Variants in CADM2 observed in about 807,000 individuals in gnomAD.
CADM2 encodes the protein immunoglobulin superfamily member 4D.
Under a neutral mutation model 49.8 loss-of-function variants are expected in CADM2, and 12 were observed. That is an observed-to-expected ratio of 0.24 (90% confidence interval 0.15 to 0.39). The LOEUF (loss-of-function observed/expected upper bound fraction) is 0.39, where lower values mean the gene tolerates loss of function less well. Among genes scored for constraint, CADM2 ranks in the 10% least tolerant of loss-of-function variants. The probability of loss-of-function intolerance (pLI) is 1.00; values close to 1 mark genes in which losing one functional copy is unlikely to be tolerated. For synonymous variants in CADM2, 214 were observed against 175.4 expected (o/e 1.22, Z -1.74); for missense variants, 378 against 492.3 (o/e 0.77, Z 2.20).
At chr3:85,675,427 A>T (rs962631176) in intron 1 of CADM2, among the ~76,000 whole-genome samples, 5 of 152,178 alleles carry the variant, frequency 3.3e-5, no homozygotes, top group African/African-American at 1.2e-4. Flanking sequence ...TCAATTTTTA[A>T]GGAGAAACTT....
At chr3:85,575,184 G>T (rs564878741) in intron 1 of CADM2, among the ~76,000 whole-genome samples, 10 of 152,236 alleles carry the variant, frequency 6.6e-5, no homozygotes, top group African/African-American at 2.4e-4. Context: ...GTATCCGTAA[G>T]TTCCTTTTTT....
intron 1 of CADM2, among the ~76,000 whole-genome samples, chr3:85,639,680 A>T (rs560559187): frequency 6.6e-6 from 1 of 152,298 alleles, no homozygotes; most frequent in African/African-American, 2.4e-5. Context: ...TGGATTGAAC[A>T]AGTGTTTGTA....
At chr3:84,978,677 T>C (rs1248858) in intron 1 of CADM2, among the ~76,000 whole-genome samples, 110,969 of 152,064 alleles carry the variant, frequency 0.73, 41,787 homozygotes, top group African/African-American at 0.91. Flanking sequence ...ATGTATTTCC[T>C]GTTTTATTGC....
chr3:85,959,697 C>T (rs1026845600), intron 7 of CADM2, among the ~76,000 whole-genome samples: 4 of 151,952 alleles, frequency 2.6e-5, no homozygotes, highest in Middle Eastern at 3.4e-3. Context: ...TTTTACTATA[C>T]ATTTTCCATG....
chr3:85,590,190 C>T (rs955968844), intron 1 of CADM2, among the ~76,000 whole-genome samples: 1 of 151,794 alleles, frequency 6.6e-6, no homozygotes, highest in Non-Finnish European at 1.5e-5. Flanking sequence ...TAGAGCCAAG[C>T]AGAAAAATAG....
chr3:85,357,060 CTT>C (rs1487607481), intron 1 of CADM2, among the ~76,000 whole-genome samples: 2 of 151,964 alleles, frequency 1.3e-5, no homozygotes, highest in African/African-American at 2.4e-5. Context: ...TTGAGATAAA[CTT>C]AAATTGAAAT....
chr3:85,446,808 G>T (rs2037478594), intron 1 of CADM2, among the ~76,000 whole-genome samples: 1 of 149,444 alleles, frequency 6.7e-6, no homozygotes, highest in Non-Finnish European at 1.5e-5. Context: ...CTCCATGTTG[G>T]TCACGCTGGT....
chr3:85,709,657 A>G lies in CADM2; in HGVS notation c.62-16865A>G, dbSNP rs1022460432. 9.2e-5 allele frequency among the ~76,000 whole-genome samples: 14 copies of G among 152,140 alleles called. 1 individual carries two copies. The highest frequency in any genetic ancestry group is 3.4e-4 in the African/African-American group (14 of 41,446). Reference sequence around the variant, plus strand: ...TTGGGCCTTGGCTGGCATATTATATATCTCATTTCAATGAAAAACATTCAC... The same window carrying G: ...TTGGGCCTTGGCTGGCATATTATATGTCTCATTTCAATGAAAAACATTCAC... On this transcript the variant is annotated intron_variant, in intron 1 of 9. Transcript: ENST00000383699.
intron 1 of CADM2, among the ~76,000 whole-genome samples, chr3:85,278,457 G>T (rs1176357201): frequency 6.6e-6 from 1 of 151,222 alleles, no homozygotes; most frequent in Non-Finnish European, 1.5e-5. Context: ...AAGCCTAATA[G>T]GACTCACTAC....
intron 8 of CADM2, among the ~76,000 whole-genome samples, chr3:85,989,455 C>CT (rs1185512238): frequency 2.6e-5 from 4 of 152,212 alleles, no homozygotes; most frequent in Admixed American, 1.3e-4. Context: ...ATTCAGACCA[C>CT]TTTTTTCTCT....
intron 1 of CADM2, among the ~76,000 whole-genome samples, chr3:85,356,221 C>T (rs888690902): frequency 1.7e-4 from 26 of 151,876 alleles, no homozygotes; most frequent in African/African-American, 5.3e-4. Flanking sequence ...TGTTCTAATA[C>T]TAGAGTATTC....
At chr3:85,395,342 A>G (rs1194527823) in intron 1 of CADM2, among the ~76,000 whole-genome samples, 1 of 151,060 alleles carries the variant, frequency 6.6e-6, no homozygotes. Context: ...GGGTATATGT[A>G]TAGAAAAACA....
intron 6 of CADM2, among the ~76,000 whole-genome samples, chr3:85,929,771 C>A (rs1458754014): frequency 6.6e-6 from 1 of 151,848 alleles, no homozygotes; most frequent in Non-Finnish European, 1.5e-5. Flanking sequence ...GGTTAGCTAA[C>A]AAAGTATAGT....
chr3:85,438,226 A>C (rs183437921), intron 1 of CADM2, among the ~76,000 whole-genome samples: 1 of 152,086 alleles, frequency 6.6e-6, no homozygotes, highest in East Asian at 1.9e-4. Context: ...TTAACAAAAA[A>C]ATTTACTTAT....
chr3:86,013,292 C>T, intron 8 of CADM2: 3 of 1,530,418 alleles, frequency 2.0e-6, no homozygotes, highest in Non-Finnish European at 2.7e-6. Flanking sequence ...AAGATGAGGA[C>T]ATTTTACCTC....
rs963655535 is a variant in CADM2, at chr3:85,072,559, A to G, written c.61+112891A>G. Among the ~76,000 whole-genome samples the G allele has an allele frequency of 4.1e-4, 63 of 152,196 alleles. 1 individual carries two copies. In the East Asian group the frequency reaches 0.012, roughly 28 times the overall value. ...CATAATGATTTAATTCATTCATTTC[A>G]TAGATTATAGTTTCTGCTCTTCTGT... On this transcript the variant is annotated intron_variant, in intron 1 of 9. Coordinates refer to ENST00000383699, the MANE Select transcript of CADM2 (RefSeq NM_001167675.2).
intron 5 of CADM2, among the ~76,000 whole-genome samples, chr3:85,908,003 T>C (rs930125208): frequency 3.9e-5 from 6 of 151,964 alleles, no homozygotes; most frequent in African/African-American, 1.4e-4. Context: ...CCAAAATAGT[T>C]GAGATTATAC....
intron 1 of CADM2, among the ~76,000 whole-genome samples, chr3:85,360,151 T>G (rs2032252617): frequency 6.6e-6 from 1 of 151,960 alleles, no homozygotes; most frequent in Non-Finnish European, 1.5e-5. Context: ...CTTCAATACA[T>G]AAGCAGATTA....
chr3:85,836,865 C>G (rs2074431656), intron 3 of CADM2, among the ~76,000 whole-genome samples: 1 of 151,512 alleles, frequency 6.6e-6, no homozygotes, highest in Non-Finnish European at 1.5e-5. Flanking sequence ...GAGTGCCTGG[C>G]AAGCTAAAGC....
Sources: gnomAD v4.1 joint callset for allele counts (sites outside exome capture counted in the v4.1 genomes callset) on GRCh38, gnomAD v4.1.1 for gene constraint, MANE v1.5 for transcripts, NCBI Gene and HGNC (gene_info 2026-07-23, HGNC 2026-07-21) for gene names.